JARID2: variants seen among roughly 807,000 people sequenced by gnomAD.
The protein encoded by JARID2 is protein Jumonji.
Under a neutral mutation model 125.6 loss-of-function variants are expected in JARID2, and 21 were observed. The ratio of observed to expected loss-of-function variants is 0.17; its 90% CI spans 0.12 to 0.24. JARID2 has a LOEUF of 0.24. JARID2 is among the 10% of genes least tolerant of loss of function. The pLI is 1.00. For synonymous variants in JARID2, 736 were observed against 661.6 expected, an observed-to-expected ratio of 1.11 and a Z score of -1.73; for missense variants, 1,303 against 1,639.6, an observed-to-expected ratio of 0.79 and a Z score of 3.55.
chr6:15,458,826 C>T, intron 4 of JARID2, among the ~76,000 whole-genome samples: 1 of 152,324 alleles, frequency 6.6e-6, no homozygotes, highest in African/African-American at 2.4e-5. Context: ...GCAGAAGCAA[C>T]TGCCAAGGCA....
chr6:15,344,923 A>G (rs920069188), intron 1 of JARID2, among the ~76,000 whole-genome samples: 5 of 152,126 alleles, frequency 3.3e-5, no homozygotes, highest in Admixed American at 2.6e-4. Flanking sequence ...TTTTGTGTGG[A>G]TAGTTGAAGA....
chr6:15,510,859 T>A (rs1324963808), intron 12 of JARID2, among the ~76,000 whole-genome samples: 1 of 152,250 alleles, frequency 6.6e-6, no homozygotes, highest in Non-Finnish European at 1.5e-5. Flanking sequence ...AGCCACGTAT[T>A]CCTTGTGAGG....
chr6:15,335,417 A>G (rs993528696), intron 1 of JARID2, among the ~76,000 whole-genome samples: 2 of 151,920 alleles, frequency 1.3e-5, no homozygotes, highest in African/African-American at 2.4e-5. Flanking sequence ...CTCATTTTTC[A>G]CTTGACCATG....
chr6:15,364,150 G>A (rs1462425108), intron 1 of JARID2, among the ~76,000 whole-genome samples: 6 of 150,414 alleles, frequency 4.0e-5, no homozygotes. Flanking sequence ...AAAAGCCAGC[G>A]AGTCAGTCAG....
At chr6:15,410,762 T>C (rs1017161377) in intron 3 of JARID2, among the ~76,000 whole-genome samples, 2 of 152,262 alleles carry the variant, frequency 1.3e-5, no homozygotes, top group African/African-American at 4.8e-5. Context: ...GTGGTGTTTC[T>C]GAGACGTTTT....
intron 4 of JARID2, among the ~76,000 whole-genome samples, chr6:15,461,603 A>G (rs1431949092): frequency 6.6e-6 from 1 of 152,200 alleles, no homozygotes; most frequent in African/African-American, 2.4e-5. Flanking sequence ...GTCACCAACC[A>G]ATCTAGTTAC....
rs532603273 is a variant in JARID2, at chr6:15,336,288, CA to C, written c.46-37827del. 3.2e-3 allele frequency among the ~76,000 whole-genome samples: 484 copies of C among 152,338 alleles called. 3 individuals are homozygous for C. The highest frequency in any genetic ancestry group is 2.1e-3 in the Non-Finnish European group (140 of 68,026). ...CTAACTAATTTATTTTTGTGTTTAACAACACTGGTGGTTCAGTAATATTTCG... is the reference window on the plus strand; with the variant it reads ...CTAACTAATTTATTTTTGTGTTTAACACACTGGTGGTTCAGTAATATTTCG... On this transcript the variant is annotated intron_variant, in intron 1 of 17. Transcript: ENST00000341776.
intron 1 of JARID2, among the ~76,000 whole-genome samples, chr6:15,362,505 G>A (rs529063912): frequency 4.6e-5 from 7 of 152,290 alleles, no homozygotes; most frequent in Non-Finnish European, 8.8e-5. Context: ...GTTTGGACAC[G>A]GGGTCTGACG....
intron 1 of JARID2, among the ~76,000 whole-genome samples, chr6:15,290,764 G>A (rs1238220826): frequency 1.3e-5 from 2 of 151,988 alleles, no homozygotes; most frequent in African/African-American, 4.8e-5. Context: ...GACTACAGGC[G>A]CCCACCGCCA....
chr6:15,340,828 T>C (rs1763043502), intron 1 of JARID2, among the ~76,000 whole-genome samples: 4 of 152,336 alleles, frequency 2.6e-5, no homozygotes, highest in African/African-American at 4.8e-5. Flanking sequence ...TAACACTCAG[T>C]TGGCCTTATG....
At chr6:15,516,446 C>T (rs1177622950) in intron 16 of JARID2, among the ~76,000 whole-genome samples, 1 of 152,196 alleles carries the variant, frequency 6.6e-6, no homozygotes, top group African/African-American at 2.4e-5. Context: ...GGTCTCTGTC[C>T]CAGCACTCTC....
At position 15,352,913 on chromosome 6, in the gene JARID2, CTG is replaced by C. The variant is rs555243014; in HGVS notation, c.46-21202_46-21201del. On this transcript the variant is annotated intron_variant, in intron 1 of 17. Transcript: ENST00000341776. Reference sequence around the variant, plus strand: ...TTTGCTTTTATTGGTGAACAATACTCTGTTGCATGGATATGTCCCATTTTATG... The same window carrying C: ...TTTGCTTTTATTGGTGAACAATACTCTTGCATGGATATGTCCCATTTTATG... Among the ~76,000 whole-genome samples the C allele has an allele frequency of 3.2e-3, 485 of 152,340 alleles. 3 individuals carry two copies. Among genetic ancestry groups the C allele is most frequent in the African/African-American group, 0.011 (466 of 41,574 alleles).
At position 15,513,009 on chromosome 6, in the gene JARID2, C is replaced by A; in HGVS notation, c.3230C>A (p.Thr1077Asn). 6.2e-7 allele frequency: 1 copy of A among 1,614,090 alleles called. No homozygotes were observed. The highest frequency in any genetic ancestry group is 1.1e-5 in the South Asian group (1 of 91,088). ...QAEAKKENGP[T>N]LSTISALLDE... is the part of the protein sequence containing the mutation. The stretch of plus-strand genomic sequence containing the variant: ...GAAGCAAAAAAAGAAAACGGTCCCA[C>A]TCTCAGTACCATCTCAGCCCTCCTG... Residue 1077 changes from threonine (T) to asparagine (N), a missense_variant, in exon 15 of 18, where the codon ACT (threonine) becomes AAT (asparagine). Thr to Asn is a moderately conservative substitution (Grantham distance 65, BLOSUM62 0). This residue lies in a region of JARID2 where 190 missense variants were observed against 341.4 expected (regional missense o/e 0.56). Coordinates refer to ENST00000341776, the MANE Select transcript of JARID2 (RefSeq NM_004973.4).
intron 4 of JARID2, among the ~76,000 whole-genome samples, chr6:15,452,969 C>T (rs986537778): frequency 2.6e-5 from 4 of 152,082 alleles, no homozygotes; most frequent in Non-Finnish European, 5.9e-5. Context: ...TGTGGGAAAA[C>T]CTTGAGGTTC....
At chr6:15,519,764 G>A (rs1460951538) in intron 17 of JARID2, among the ~76,000 whole-genome samples, 1 of 152,152 alleles carries the variant, frequency 6.6e-6, no homozygotes, top group African/African-American at 2.4e-5. Context: ...TCTTTGCTGA[G>A]TGCTCCGTGG....
At chr6:15,508,556 C>A in intron 12 of JARID2, 102 bp downstream of exon 12, 1 of 702,942 alleles carries the variant, frequency 1.4e-6, no homozygotes, top group South Asian at 1.6e-5. Context: ...GTTCCACGTG[C>A]TTGAGAACTT....
intron 6 of JARID2, 39 bp downstream of exon 6, chr6:15,487,581 C>T: frequency 6.7e-7 from 1 of 1,486,808 alleles, no homozygotes; most frequent in Admixed American, 2.1e-5. Flanking sequence ...GTGCCAGACC[C>T]CAGTTTCCCA....
chr6:15,381,659 C>T (rs1450006817), intron 2 of JARID2, among the ~76,000 whole-genome samples: 2 of 152,202 alleles, frequency 1.3e-5, no homozygotes, highest in African/African-American at 4.8e-5. Context: ...TGTCTTTCAG[C>T]TGCTTTTTTG....
At chr6:15,289,311 G>A (rs1761117169) in intron 1 of JARID2, among the ~76,000 whole-genome samples, 1 of 152,132 alleles carries the variant, frequency 6.6e-6, no homozygotes, top group African/African-American at 2.4e-5. Flanking sequence ...GCAGTAGTCT[G>A]GTGTCCTTCT....
Sources: allele counts gnomAD v4.1 joint callset (sites outside exome capture counted in the v4.1 genomes callset), GRCh38; gene constraint gnomAD v4.1.1; regional missense constraint gnomAD v4.1.1; transcripts MANE v1.5; gene names NCBI Gene and HGNC (gene_info 2026-07-23, HGNC 2026-07-21).